Variants in TSPAN18 observed in about 807,000 individuals in gnomAD.
TSPAN18 encodes tetraspanin 18, also known as tetraspanin-18.
In TSPAN18, 14 loss-of-function variants were observed where a neutral mutation model predicts 27.3. That is an observed-to-expected ratio of 0.51 (90% CI 0.34 to 0.80). TSPAN18 has a LOEUF of 0.80. TSPAN18 is among the 30% of genes least tolerant of loss of function. The pLI is 0.01. For synonymous variants in TSPAN18, 143 were observed against 136.5 expected, an observed-to-expected ratio of 1.05 and a Z score of -0.33; for missense variants, 268 against 323.9, an observed-to-expected ratio of 0.83 and a Z score of 1.32.
At chr11:44,812,525 G>A (rs1856739725) in intron 2 of TSPAN18, among the ~76,000 whole-genome samples, 1 of 152,152 alleles carries the variant, frequency 6.6e-6, no homozygotes, top group African/African-American at 2.4e-5. Flanking sequence ...CACAGAGGGG[G>A]CACCACGTGC....
In TSPAN18 at chr11:44,729,489, A is replaced by T. The variant is rs1161762391; in HGVS notation, c.-240+2202A>T. On this transcript the variant is annotated intron_variant, in intron 1 of 9. Coordinates refer to ENST00000520358, the MANE Select transcript of TSPAN18 (RefSeq NM_130783.5). ...GCTACTAAAGTCTGTGTTTGGGCTT[A>T]AAGTATCTTGTGTGGGCTCAGTCTT... is the stretch of plus-strand genomic sequence containing the variant. Among the ~76,000 whole-genome samples the T allele has an allele frequency of 2.6e-5, 4 of 152,110 alleles. No individual in the cohort carries two copies. In the East Asian group the frequency reaches 7.7e-4, roughly 29 times the overall value.
chr11:44,884,447 G>A (rs571991708), intron 3 of TSPAN18, among the ~76,000 whole-genome samples: 2 of 152,298 alleles, frequency 1.3e-5, no homozygotes, highest in East Asian at 1.9e-4. Context: ...GGGCAGCAGC[G>A]TCAGGCCCCT....
At chr11:44,877,978 T>C (rs1858383843) in intron 3 of TSPAN18, among the ~76,000 whole-genome samples, 2 of 151,938 alleles carry the variant, frequency 1.3e-5, no homozygotes, top group Admixed American at 1.3e-4. Flanking sequence ...ATCTCCTGTG[T>C]GTGTGCACGT....
chr11:44,839,898 A>G (rs913510089), intron 2 of TSPAN18, among the ~76,000 whole-genome samples: 5 of 152,116 alleles, frequency 3.3e-5, no homozygotes, highest in Non-Finnish European at 5.9e-5. Context: ...AGTCCTCCCA[A>G]GCACATGGCT....
chr11:44,780,538 C>T (rs574446518), intron 2 of TSPAN18, among the ~76,000 whole-genome samples: 8 of 152,360 alleles, frequency 5.3e-5, no homozygotes, highest in African/African-American at 1.9e-4. Flanking sequence ...TGGCCTTTGC[C>T]CTGACAAAGC....
At chr11:44,842,227 G>A (rs528849865) in intron 2 of TSPAN18, among the ~76,000 whole-genome samples, 27 of 152,316 alleles carry the variant, frequency 1.8e-4, no homozygotes, top group Admixed American at 3.9e-4. Context: ...AGGTCCAACC[G>A]TGGCTGCCCC....
In TSPAN18 at chr11:44,929,391, G is replaced by A. The variant is rs1033145752; in HGVS notation, c.*213G>A. The A allele has an allele frequency of 3.2e-6, 2 of 627,752 alleles. No individual in the cohort carries two copies. The highest frequency in any genetic ancestry group is 5.4e-6 in the Non-Finnish European group (2 of 368,910). The allele number at this position is 627,752 out of a possible 1,614,324, so 38.9% of individuals were successfully genotyped here. The stretch of plus-strand genomic sequence containing the variant: ...ACTGATGTATCCTCGCCTGGACTCA[G>A]GGCAGGTGCCGTGGGTTCTCCAGAG... On this transcript the variant is annotated 3_prime_UTR_variant, in exon 10 of 10. Coordinates refer to ENST00000520358, the MANE Select transcript of TSPAN18 (RefSeq NM_130783.5).
chr11:44,908,650 CTT>C (rs539365371), intron 4 of TSPAN18, among the ~76,000 whole-genome samples: 1 of 150,650 alleles, frequency 6.6e-6, no homozygotes, highest in South Asian at 2.1e-4. Flanking sequence ...TAGAGGATGA[CTT>C]GGGCCCAGGA....
At position 44,732,050 on chromosome 11, in the gene TSPAN18, C is replaced by T. The variant is rs143865576; in HGVS notation, c.-240+4763C>T. On this transcript the variant is annotated intron_variant, in intron 1 of 9. Coordinates refer to ENST00000520358, the MANE Select transcript of TSPAN18 (RefSeq NM_130783.5). ...TTCTGTTGTGTTGCTTTATGTCTGG[C>T]TGGCCCTGAATCCCTTTTTGTGTTC... Among the ~76,000 whole-genome samples the T allele has an allele frequency of 1.7e-3, 263 of 152,378 alleles. 2 individuals carry two copies. Among genetic ancestry groups the T allele is most frequent in the Non-Finnish European group, 3.4e-3 (233 of 68,034 alleles).
intron 5 of TSPAN18, among the ~76,000 whole-genome samples, chr11:44,910,771 A>T (rs1039837658): frequency 1.3e-5 from 2 of 152,106 alleles, no homozygotes; most frequent in African/African-American, 4.8e-5. Flanking sequence ...ACCAGGAGTG[A>T]TGGTCCCTTC....
At chr11:44,853,188 C>G (rs1458320331) in intron 2 of TSPAN18, among the ~76,000 whole-genome samples, 4 of 152,058 alleles carry the variant, frequency 2.6e-5, no homozygotes, top group African/African-American at 9.7e-5. Context: ...TGTCTTCCTG[C>G]CTGGTGGAGG....
At chr11:44,827,310 G>C (rs1202378740) in intron 2 of TSPAN18, among the ~76,000 whole-genome samples, 1 of 152,250 alleles carries the variant, frequency 6.6e-6, no homozygotes, top group Non-Finnish European at 1.5e-5. Context: ...CCAGCAGACG[G>C]AACAAGACCA....
chr11:44,799,734 G>T (rs1190206516), intron 2 of TSPAN18, among the ~76,000 whole-genome samples: 1 of 152,222 alleles, frequency 6.6e-6, no homozygotes, highest in Admixed American at 6.5e-5. Context: ...CATTCCCAGG[G>T]TTACAGTCAG....
intron 5 of TSPAN18, 99 bp downstream of exon 5, chr11:44,909,998 T>C: frequency 7.1e-7 from 1 of 1,409,306 alleles, no homozygotes; most frequent in Non-Finnish European, 9.5e-7. Flanking sequence ...TTCAGACCAG[T>C]GCTTCCCAAA....
chr11:44,882,627 C>CACAG (rs375349718), intron 3 of TSPAN18, among the ~76,000 whole-genome samples: 11,201 of 130,488 alleles, frequency 0.086, 606 homozygotes, highest in East Asian at 0.15. Flanking sequence ...CACACACACA[C>CACAG]AGAGAGAGAG....
At chr11:44,820,894 C>A (rs189947094) in intron 2 of TSPAN18, among the ~76,000 whole-genome samples, 4 of 152,342 alleles carry the variant, frequency 2.6e-5, no homozygotes, top group Admixed American at 2.6e-4. Context: ...TCCCCCTTCA[C>A]CTTCTGCCAT....
intron 9 of TSPAN18, 113 bp downstream of exon 9, chr11:44,926,870 GC>G: frequency 1.6e-6 from 2 of 1,214,736 alleles, no homozygotes; most frequent in Non-Finnish European, 2.4e-6. Flanking sequence ...GACCCAAGGG[GC>G]CCCCACTGTG....
intron 4 of TSPAN18, 55 bp from the exon 5 acceptor site, chr11:44,909,650 C>T: frequency 6.4e-7 from 1 of 1,559,672 alleles, no homozygotes; most frequent in Non-Finnish European, 8.7e-7. Context: ...GTCAGAAGTG[C>T]CTAACCTCCC....
intron 3 of TSPAN18, among the ~76,000 whole-genome samples, chr11:44,873,267 T>C (rs1565186296): frequency 6.6e-6 from 1 of 152,220 alleles, no homozygotes; most frequent in South Asian, 2.1e-4. Flanking sequence ...GTTCAGGGAA[T>C]TTCATGGTGG....
Sources: gnomAD v4.1 joint callset for allele counts (sites outside exome capture counted in the v4.1 genomes callset) on GRCh38, gnomAD v4.1.1 for gene constraint, MANE v1.5 for transcripts, NCBI Gene and HGNC (gene_info 2026-07-23, HGNC 2026-07-21) for gene names.